Variants in GNAO1 observed in about 807,000 individuals in gnomAD.
GNAO1 encodes G protein subunit alpha o1.
For synonymous variants in GNAO1, 164 were observed against 180.7 expected (o/e 0.91, Z 0.74); for missense variants, 166 against 478.7 (o/e 0.35, Z 6.10).
intron 3 of GNAO1, among the ~76,000 whole-genome samples, chr16:56,304,378 C>T (rs1431599528): frequency 6.6e-6 from 1 of 152,246 alleles, no homozygotes; most frequent in African/African-American, 2.4e-5. Flanking sequence ...ATCATTTATT[C>T]AGCAGGTCCA....
intron 3 of GNAO1, among the ~76,000 whole-genome samples, chr16:56,310,571 C>T (rs1340988438): frequency 6.6e-6 from 1 of 152,108 alleles, no homozygotes; most frequent in Non-Finnish European, 1.5e-5. Context: ...GCTCTTTCAC[C>T]AGCTTACAGT....
Position 56,201,873 on chromosome 16 carries a change from TG to T in GNAO1, c.161+9259del, listed in dbSNP as rs1397186312. Among the ~76,000 whole-genome samples the T allele has an allele frequency of 1.1e-4, 17 of 152,302 alleles. No homozygotes were observed. The East Asian group carries it at 3.3e-3, about 29-fold the overall frequency. On this transcript the variant is annotated intron_variant, in intron 2 of 8. Transcript: ENST00000262493. ...CATTTGGTCATGTTGACGATTCTTG[TG>T]GATCATCTGAGTGCAGCTCCTGGTA...
At chr16:56,303,246 C>T (rs1458789989) in intron 3 of GNAO1, among the ~76,000 whole-genome samples, 6 of 152,270 alleles carry the variant, frequency 3.9e-5, no homozygotes, top group African/African-American at 1.4e-4. Context: ...CAGGGGAAGA[C>T]ATCACTCCTG....
At chr16:56,209,017 G>C (rs1250308116) in intron 2 of GNAO1, among the ~76,000 whole-genome samples, 1 of 151,424 alleles carries the variant, frequency 6.6e-6, no homozygotes, top group East Asian at 1.9e-4. Flanking sequence ...CCTCTTTTTG[G>C]TTAGTGTTTT....
chr16:56,348,039 A>T, intron 6 of GNAO1: 1 of 980,356 alleles, frequency 1.0e-6, no homozygotes. Flanking sequence ...CAGTGGTCCC[A>T]CCTCCCAACC....
At chr16:56,330,466 A>G (rs1307129268) in intron 4 of GNAO1, among the ~76,000 whole-genome samples, 2 of 114,046 alleles carry the variant, frequency 1.8e-5, no homozygotes, top group Non-Finnish European at 3.8e-5. Flanking sequence ...TAATTATAAC[A>G]TGAATCCATT....
chr16:56,288,417 A>G (rs2037194920), intron 3 of GNAO1, among the ~76,000 whole-genome samples: 1 of 152,176 alleles, frequency 6.6e-6, no homozygotes, highest in Non-Finnish European at 1.5e-5. Context: ...GGGTAAAAAG[A>G]CTGCTCCCAA....
intron 2 of GNAO1, among the ~76,000 whole-genome samples, chr16:56,209,983 A>G (rs1289512271): frequency 6.6e-6 from 1 of 152,154 alleles, no homozygotes; most frequent in African/African-American, 2.4e-5. Flanking sequence ...AATGACATGT[A>G]TCCATCATTT....
chr16:56,282,074 C>G lies in GNAO1; in HGVS notation c.303+6002C>G, dbSNP rs2037119868. On this transcript the variant is annotated intron_variant, in intron 3 of 8. Coordinates refer to ENST00000262493, the MANE Select transcript of GNAO1 (RefSeq NM_020988.3). Reference sequence around the variant, plus strand: ...TCACTATTTGTGCCTATGCCTGTTTCTCTCAACTATAAACTCCTTAAGGGC... The same window carrying G: ...TCACTATTTGTGCCTATGCCTGTTTGTCTCAACTATAAACTCCTTAAGGGC... Among the ~76,000 whole-genome samples the G allele has an allele frequency of 2.6e-5, 4 of 152,204 alleles. No homozygotes were observed. The South Asian group carries it at 8.3e-4, about 32-fold the overall frequency.
intron 2 of GNAO1, among the ~76,000 whole-genome samples, chr16:56,204,917 A>G (rs1469282909): frequency 1.3e-5 from 2 of 152,092 alleles, no homozygotes; most frequent in African/African-American, 4.8e-5. Flanking sequence ...ATAAGCTTCT[A>G]CTCAAGTCTT....
chr16:56,338,508 C>T (rs1238763820), intron 6 of GNAO1, among the ~76,000 whole-genome samples: 6 of 152,268 alleles, frequency 3.9e-5, no homozygotes, highest in East Asian at 1.9e-4. Flanking sequence ...ACGGCCACTG[C>T]TCCAACTCCT....
chr16:56,247,215 C>A (rs1300035543), intron 2 of GNAO1, among the ~76,000 whole-genome samples: 1 of 152,250 alleles, frequency 6.6e-6, no homozygotes, highest in Non-Finnish European at 1.5e-5. Flanking sequence ...CAGAACTGCG[C>A]TAGCCTGTGC....
intron 2 of GNAO1, among the ~76,000 whole-genome samples, chr16:56,266,549 G>A (rs1425411918): frequency 1.3e-5 from 2 of 152,200 alleles, no homozygotes; most frequent in African/African-American, 4.8e-5. Flanking sequence ...TTGAGTCAAG[G>A]CACTGCTGCA....
intron 2 of GNAO1, among the ~76,000 whole-genome samples, chr16:56,257,855 G>C (rs2036867340): frequency 6.6e-6 from 1 of 152,212 alleles, no homozygotes; most frequent in African/African-American, 2.4e-5. Context: ...GGCGTAGACT[G>C]ACACCTGATG....
chr16:56,206,771 G>A (rs569590686), intron 2 of GNAO1, among the ~76,000 whole-genome samples: 11 of 152,310 alleles, frequency 7.2e-5, no homozygotes, highest in East Asian at 3.9e-4. Context: ...CCCTCTGGCC[G>A]TCCTGTGGAA....
At chr16:56,253,246 C>T (rs78429100) in intron 2 of GNAO1, among the ~76,000 whole-genome samples, 2,635 of 152,244 alleles carry the variant, frequency 0.017, 47 homozygotes, top group South Asian at 0.053. Flanking sequence ...CCATCTCACC[C>T]GCAACAGTGT....
intron 6 of GNAO1, among the ~76,000 whole-genome samples, chr16:56,341,930 C>T (rs556386353): frequency 1.2e-4 from 18 of 152,344 alleles, no homozygotes; most frequent in African/African-American, 2.6e-4. Flanking sequence ...CAGGGGCAGA[C>T]AGAGTCCCAG....
chr16:56,327,837 C>T (rs2143645341), intron 3 of GNAO1, among the ~76,000 whole-genome samples: 1 of 152,314 alleles, frequency 6.6e-6, no homozygotes, highest in South Asian at 2.1e-4. Flanking sequence ...GTGCTCCAAG[C>T]TCATTACCTG....
At chr16:56,288,241 ACTGCT>A in intron 3 of GNAO1, among the ~76,000 whole-genome samples, 1 of 152,198 alleles carries the variant, frequency 6.6e-6, no homozygotes, top group Admixed American at 6.5e-5. Context: ...AAGCAGGTGT[ACTGCT>A]GCTCAGAGCT....
Sources: gnomAD v4.1 joint callset for allele counts (sites outside exome capture counted in the v4.1 genomes callset) on GRCh38, gnomAD v4.1.1 for gene constraint, MANE v1.5 for transcripts, NCBI Gene and HGNC (gene_info 2026-07-23, HGNC 2026-07-21) for gene names.